Variants in NUDCD3 observed in about 807,000 individuals in gnomAD.
NUDCD3 encodes the protein nudC domain-containing protein 3.
In NUDCD3, 13 loss-of-function variants were observed where a neutral mutation model predicts 39.7. That is an observed-to-expected ratio of 0.33 (90% CI 0.21 to 0.52). The LOEUF (loss-of-function observed/expected upper bound fraction) is 0.52. NUDCD3 is among the 20% of genes least tolerant of loss of function. NUDCD3 has a pLI of 0.96. For synonymous variants in NUDCD3, 175 were observed against 172.4 expected, an observed-to-expected ratio of 1.02 and a Z score of -0.12; for missense variants, 453 against 458.1, an observed-to-expected ratio of 0.99 and a Z score of 0.10.
chr7:44,412,108 G>T (rs1402490808), intron 3 of NUDCD3, among the ~76,000 whole-genome samples: 1 of 152,198 alleles, frequency 6.6e-6, no homozygotes, highest in Non-Finnish European at 1.5e-5. Flanking sequence ...TACCACTGAG[G>T]CCCCTCTAAG....
intron 3 of NUDCD3, among the ~76,000 whole-genome samples, chr7:44,415,399 G>A (rs933058619): frequency 1.3e-5 from 2 of 152,202 alleles, no homozygotes; most frequent in Non-Finnish European, 2.9e-5. Context: ...CAAAGAACAT[G>A]TGATGGAAAA....
chr7:44,467,786 A>T, intron 2 of NUDCD3: 1 of 718,102 alleles, frequency 1.4e-6, no homozygotes, highest in Non-Finnish European at 2.3e-6. Context: ...TTATCACCCT[A>T]TTGTATATAA....
chr7:44,404,071 C>G (rs934739650), intron 4 of NUDCD3, among the ~76,000 whole-genome samples: 1 of 152,236 alleles, frequency 6.6e-6, no homozygotes, highest in African/African-American at 2.4e-5. Flanking sequence ...CTATGCCTAA[C>G]CAGCAGCTGG....
chr7:44,388,670 T>C (rs571903992), intron 5 of NUDCD3, among the ~76,000 whole-genome samples: 1 of 152,324 alleles, frequency 6.6e-6, no homozygotes, highest in East Asian at 1.9e-4. Flanking sequence ...AGTTCATTAC[T>C]GTCTATAGCT....
At chr7:44,468,461 G>C (rs565937289) in intron 2 of NUDCD3, among the ~76,000 whole-genome samples, 75 of 151,670 alleles carry the variant, frequency 4.9e-4, no homozygotes, top group Non-Finnish European at 8.7e-4. Flanking sequence ...CTGAATGCCC[G>C]GTCTCTAGAC....
chr7:44,422,511 C>T (rs1799160780), intron 3 of NUDCD3, among the ~76,000 whole-genome samples: 1 of 152,164 alleles, frequency 6.6e-6, no homozygotes. Context: ...ATAAACACCT[C>T]TATGCAAATA....
chr7:44,406,425 G>A (rs1156275294), intron 3 of NUDCD3, among the ~76,000 whole-genome samples: 1 of 152,198 alleles, frequency 6.6e-6, no homozygotes, highest in Non-Finnish European at 1.5e-5. Flanking sequence ...CTCCTGAAAT[G>A]ATCCAGACAC....
intron 3 of NUDCD3, among the ~76,000 whole-genome samples, chr7:44,424,309 A>G (rs2116897356): frequency 6.6e-6 from 1 of 152,340 alleles, no homozygotes; most frequent in East Asian, 1.9e-4. Flanking sequence ...TAATTAAACT[A>G]AAGAGCTTCT....
chr7:44,458,291 T>C (rs1012368843), intron 2 of NUDCD3, among the ~76,000 whole-genome samples: 2 of 152,226 alleles, frequency 1.3e-5, no homozygotes, highest in African/African-American at 4.8e-5. Flanking sequence ...AGACTGGTAA[T>C]TGCCTAGGGC....
intron 3 of NUDCD3, among the ~76,000 whole-genome samples, chr7:44,412,174 G>A (rs960133158): frequency 2.0e-5 from 3 of 152,190 alleles, no homozygotes; most frequent in East Asian, 3.8e-4. Flanking sequence ...CAATAAATAA[G>A]ATGAAGATAC....
chr7:44,433,598 G>A (rs185625131), intron 2 of NUDCD3, among the ~76,000 whole-genome samples: 135 of 152,250 alleles, frequency 8.9e-4, no homozygotes, highest in African/African-American at 3.0e-3. Flanking sequence ...GTATGGGCAC[G>A]CAGTATATAT....
At chr7:44,442,474 C>T (rs764052717) in intron 2 of NUDCD3, among the ~76,000 whole-genome samples, 13 of 152,190 alleles carry the variant, frequency 8.5e-5, no homozygotes, top group Admixed American at 4.6e-4. Flanking sequence ...AGAGTATGCA[C>T]CTGGGGGACC....
intron 4 of NUDCD3, among the ~76,000 whole-genome samples, chr7:44,401,995 G>A (rs1798736157): frequency 6.6e-6 from 1 of 152,176 alleles, no homozygotes; most frequent in South Asian, 2.1e-4. Flanking sequence ...CCACAATGGG[G>A]ACCCACACTC....
intron 3 of NUDCD3, among the ~76,000 whole-genome samples, chr7:44,408,103 T>G (rs1798861869): frequency 1.3e-5 from 2 of 152,162 alleles, no homozygotes; most frequent in Non-Finnish European, 2.9e-5. Context: ...CCAGAATCAA[T>G]TACACAGAGT....
At chr7:44,425,485 A>C (rs913642752) in intron 3 of NUDCD3, among the ~76,000 whole-genome samples, 4 of 152,322 alleles carry the variant, frequency 2.6e-5, no homozygotes, top group African/African-American at 9.6e-5. Flanking sequence ...GAGATTTTTT[A>C]AAGTGGAAAT....
At chr7:44,396,957 T>C (rs1585052484) in intron 4 of NUDCD3, among the ~76,000 whole-genome samples, 1 of 152,352 alleles carries the variant, frequency 6.6e-6, no homozygotes, top group South Asian at 2.1e-4. Context: ...GTTTTTGTTT[T>C]TTTCTGTGAA....
rs1255211688 is a variant in NUDCD3, at chr7:44,485,338, A to G, written c.193-54T>C. ...GTTCATCTGCCCAATACTGTACCAC[A>G]TATCTTGTAGAAATGTCGTAAAATC... On this transcript the variant is annotated intron_variant, in intron 1 of 5. Transcript: ENST00000355451. 5.0e-6 allele frequency: 7 copies of G among 1,388,432 alleles called. No homozygotes were observed. The African/African-American group carries it at 7.2e-5, about 14-fold the overall frequency. 86.0% of individuals were successfully genotyped at this position (1,388,432 alleles called of 1,614,324 possible).
intron 5 of NUDCD3, among the ~76,000 whole-genome samples, chr7:44,392,086 G>A (rs1798527385): frequency 6.6e-6 from 1 of 152,240 alleles, no homozygotes; most frequent in Non-Finnish European, 1.5e-5. Context: ...CCAGGTATGA[G>A]AACACAGCTG....
chr7:44,395,953 T>C (rs977796602), intron 4 of NUDCD3, among the ~76,000 whole-genome samples: 6 of 152,240 alleles, frequency 3.9e-5, no homozygotes, highest in Non-Finnish European at 7.3e-5. Flanking sequence ...CTGGGTCATA[T>C]GGTAATTCTA....
Sources: allele counts gnomAD v4.1 joint callset (sites outside exome capture counted in the v4.1 genomes callset), GRCh38; gene constraint gnomAD v4.1.1; transcripts MANE v1.5; gene names NCBI Gene and HGNC (gene_info 2026-07-23, HGNC 2026-07-21).